Variants in KLHL29 observed in about 807,000 individuals in gnomAD.
KLHL29 encodes the protein kelch like family member 29.
In KLHL29, 21 loss-of-function variants were observed where a neutral mutation model predicts 80.4. That is an observed-to-expected ratio of 0.26 (90% CI 0.19 to 0.38). The LOEUF is 0.38. Ranked by LOEUF, KLHL29 falls within the 10% of genes least tolerant of loss-of-function variation. The pLI, the probability that KLHL29 is intolerant of heterozygous loss-of-function variation, is 1.00. For synonymous variants in KLHL29, 511 were observed against 526.8 expected (o/e 0.97, Z 0.41); for missense variants, 867 against 1,223.9 (o/e 0.71, Z 4.35).
intron 2 of KLHL29, among the ~76,000 whole-genome samples, chr2:23,514,480 C>T (rs1165081833): frequency 2.6e-5 from 4 of 152,188 alleles, no homozygotes; most frequent in East Asian, 1.9e-4. Context: ...CTCTCCTGCA[C>T]GTTTCTTCCT....
At chr2:23,492,312 T>A (rs183414809) in intron 2 of KLHL29, among the ~76,000 whole-genome samples, 1 of 152,224 alleles carries the variant, frequency 6.6e-6, no homozygotes, top group Admixed American at 6.5e-5. Context: ...ACACTGTTCA[T>A]GCCTCTAGTG....
At chr2:23,575,754 G>A (rs1445120360) in intron 3 of KLHL29, among the ~76,000 whole-genome samples, 1 of 152,152 alleles carries the variant, frequency 6.6e-6, no homozygotes, top group Non-Finnish European at 1.5e-5. Context: ...TGAGAAGAAA[G>A]TGATAGAGGA....
At chr2:23,439,983 A>G (rs1037390880) in intron 1 of KLHL29, among the ~76,000 whole-genome samples, 5 of 150,766 alleles carry the variant, frequency 3.3e-5, no homozygotes, top group Admixed American at 2.0e-4. Context: ...TGCTTTATGA[A>G]TCTGGGTGCT....
At chr2:23,545,576 C>T (rs183256943) in intron 2 of KLHL29, among the ~76,000 whole-genome samples, 86 of 152,318 alleles carry the variant, frequency 5.6e-4, no homozygotes, top group African/African-American at 2.0e-3. Context: ...GGCACCACCT[C>T]GTGGTAAGCG....
intron 2 of KLHL29, among the ~76,000 whole-genome samples, chr2:23,488,430 T>C (rs1020831199): frequency 6.6e-6 from 1 of 152,216 alleles, no homozygotes; most frequent in African/African-American, 2.4e-5. Flanking sequence ...CAGCCTCTAC[T>C]ATGGGGCCTT....
chr2:23,703,726 G>A lies in KLHL29; in HGVS notation c.2307G>A (p.Lys769=). ...GCTCTGCTCTCCTCACAGACAACAA[G>A]TATGCCCCCGCTGTCACGCTCAATG... ...SFIESPMIDN[K]YAPAVTLNGF... The change falls in exon 13 of 14, where the codon AAG becomes AAA. Residue 769 remains lysine (K), a synonymous_variant. Transcript: ENST00000486442. 1 of 1,536,258 alleles carries A rather than the reference G, an allele frequency of 6.5e-7. No homozygotes were observed. The highest frequency in any genetic ancestry group is 1.2e-5 in the South Asian group (1 of 83,904).
chr2:23,561,692 A>C (rs1002787872), intron 2 of KLHL29, among the ~76,000 whole-genome samples: 1 of 152,176 alleles, frequency 6.6e-6, no homozygotes, highest in Non-Finnish European at 1.5e-5. Flanking sequence ...TAGGAGGAAG[A>C]GAGATTTATG....
intron 1 of KLHL29, among the ~76,000 whole-genome samples, chr2:23,454,169 C>A (rs1558344065): frequency 6.6e-6 from 1 of 152,144 alleles, no homozygotes. Flanking sequence ...TGAGTCAGTT[C>A]TTCCTTTAAG....
intron 3 of KLHL29, among the ~76,000 whole-genome samples, chr2:23,605,773 G>T (rs964002178): frequency 7.0e-6 from 1 of 142,866 alleles, no homozygotes; most frequent in Non-Finnish European, 1.5e-5. Context: ...TGGGAAAACC[G>T]TTTTTTTTTT....
chr2:23,440,715 G>A (rs1663490080), intron 1 of KLHL29, among the ~76,000 whole-genome samples: 1 of 151,930 alleles, frequency 6.6e-6, no homozygotes, highest in Non-Finnish European at 1.5e-5. Context: ...GCAGCCAAAA[G>A]ACACATGAAA....
intron 2 of KLHL29, among the ~76,000 whole-genome samples, chr2:23,538,363 G>A (rs566358382): frequency 3.3e-5 from 5 of 152,306 alleles, no homozygotes; most frequent in South Asian, 4.1e-4. Context: ...GTGCAAAGCT[G>A]GAATTCCTAA....
chr2:23,488,403 G>A (rs1664992074), intron 2 of KLHL29, among the ~76,000 whole-genome samples: 1 of 152,236 alleles, frequency 6.6e-6, no homozygotes, highest in South Asian at 2.1e-4. Flanking sequence ...TCAGCACTCA[G>A]ATGCTGGGAA....
chr2:23,468,767 G>A (rs187911241), intron 1 of KLHL29, among the ~76,000 whole-genome samples: 34 of 152,298 alleles, frequency 2.2e-4, no homozygotes, highest in African/African-American at 6.0e-4. Flanking sequence ...CTGAAGAACC[G>A]GGCCAACAGT....
At chr2:23,524,934 T>TA (rs1666253939) in intron 2 of KLHL29, among the ~76,000 whole-genome samples, 1 of 152,252 alleles carries the variant, frequency 6.6e-6, no homozygotes, top group African/African-American at 2.4e-5. Flanking sequence ...TAATTTTTTT[T>TA]ATCCAAACTC....
At chr2:23,616,093 CT>C (rs1198620758) in intron 3 of KLHL29, among the ~76,000 whole-genome samples, 1 of 152,174 alleles carries the variant, frequency 6.6e-6, no homozygotes, top group Non-Finnish European at 1.5e-5. Flanking sequence ...GAGGGTGGAC[CT>C]CTCTGCTATT....
chr2:23,474,474 T>A (rs187684058), intron 1 of KLHL29, among the ~76,000 whole-genome samples: 6 of 152,342 alleles, frequency 3.9e-5, no homozygotes, highest in African/African-American at 1.4e-4. Flanking sequence ...TGGTTCTGTG[T>A]CAAAATTAAA....
chr2:23,535,169 C>T (rs1018603785), intron 2 of KLHL29, among the ~76,000 whole-genome samples: 2 of 152,268 alleles, frequency 1.3e-5, no homozygotes, highest in Non-Finnish European at 2.9e-5. Context: ...TGTGGTCTTC[C>T]TGTGGCCTTG....
At chr2:23,527,324 C>G (rs1017128307) in intron 2 of KLHL29, among the ~76,000 whole-genome samples, 6 of 152,192 alleles carry the variant, frequency 3.9e-5, no homozygotes, top group African/African-American at 1.4e-4. Flanking sequence ...ATCACGCCCC[C>G]CAGCCACCCC....
Position 23,617,171 on chromosome 2 carries a change from C to G in KLHL29, c.286-21968C>G, listed in dbSNP as rs1316065627. ...TTCAAACAACCTGGCAAATCCGAGT[C>G]TGATTTCCCGGCAGCCTCCTCCTTC... On this transcript the variant is annotated intron_variant, in intron 3 of 13. Transcript: ENST00000486442. 5 of 152,390 alleles carry G rather than the reference C, an allele frequency of 3.3e-5. No homozygotes were observed. The East Asian group carries it at 9.6e-4, about 29-fold the overall frequency. The allele number at this position is 152,390 out of a possible 1,614,324, so 9.4% of individuals were successfully genotyped here.
Sources: gnomAD v4.1 joint callset for allele counts (sites outside exome capture counted in the v4.1 genomes callset) on GRCh38, gnomAD v4.1.1 for gene constraint, MANE v1.5 for transcripts, NCBI Gene and HGNC (gene_info 2026-07-23, HGNC 2026-07-21) for gene names.